Variants in DLG2 observed in about 807,000 individuals in gnomAD.
DLG2 encodes disks large homolog 2.
DLG2 carries 45 observed loss-of-function variants against 132.5 expected under a neutral mutation model. The ratio of observed to expected loss-of-function variants is 0.34; its 90% CI spans 0.27 to 0.44. DLG2 has a LOEUF of 0.44. Among genes scored for constraint, DLG2 ranks in the 20% least tolerant of loss-of-function variants. DLG2 has a pLI of 1.00. For missense variants in DLG2, 1,045 were observed against 1,196.9 expected (o/e 0.87, Z 1.87); for synonymous variants, 424 against 419.6 (o/e 1.01, Z -0.13).
intron 8 of DLG2, among the ~76,000 whole-genome samples, chr11:84,184,937 T>C (rs1272139174): frequency 6.6e-6 from 1 of 152,232 alleles, no homozygotes; most frequent in East Asian, 1.9e-4. Context: ...TATATCTCTG[T>C]TTTGGTACCA....
chr11:83,549,710 T>C (rs140141817), intron 19 of DLG2, among the ~76,000 whole-genome samples: 346 of 152,326 alleles, frequency 2.3e-3, no homozygotes, highest in African/African-American at 7.4e-3. Flanking sequence ...CACAATTTTC[T>C]ATTTGTATTA....
intron 6 of DLG2, among the ~76,000 whole-genome samples, chr11:84,960,844 G>A (rs2052452292): frequency 6.6e-6 from 1 of 151,784 alleles, no homozygotes; most frequent in South Asian, 2.1e-4. Context: ...AGTTAAATAG[G>A]ACAATGAAAA....
intron 6 of DLG2, among the ~76,000 whole-genome samples, chr11:84,906,625 T>C (rs933183467): frequency 5.9e-5 from 9 of 152,098 alleles, no homozygotes; most frequent in African/African-American, 2.2e-4. Flanking sequence ...AAAACTGATA[T>C]GGTTCCTACC....
At chr11:84,794,781 C>A (rs1332511348) in intron 6 of DLG2, among the ~76,000 whole-genome samples, 2 of 152,234 alleles carry the variant, frequency 1.3e-5, no homozygotes, top group Admixed American at 6.5e-5. Context: ...CTCAGGGCAG[C>A]ACTGACATGC....
intron 6 of DLG2, among the ~76,000 whole-genome samples, chr11:84,715,357 A>T (rs2061095498): frequency 6.6e-6 from 1 of 152,198 alleles, no homozygotes; most frequent in East Asian, 1.9e-4. Flanking sequence ...TATCTGTGTT[A>T]CACTCTGTGT....
At chr11:83,790,996 C>G in intron 17 of DLG2, 1 of 802,966 alleles carries the variant, frequency 1.2e-6, no homozygotes, top group South Asian at 1.6e-5. Flanking sequence ...TTCTGAGAAG[C>G]CGAGCTTTTC....
chr11:84,313,639 G>A (rs370829899), intron 7 of DLG2, among the ~76,000 whole-genome samples: 45 of 47,244 alleles, frequency 9.5e-4, no homozygotes, highest in African/African-American at 3.9e-3. Flanking sequence ...AGGAAAGAGA[G>A]AAAAAGAAAG....
chr11:85,617,546 T>C (rs1477140637), intron 2 of DLG2, among the ~76,000 whole-genome samples: 1 of 152,234 alleles, frequency 6.6e-6, no homozygotes, highest in Non-Finnish European at 1.5e-5. Context: ...CAAACATGCA[T>C]CTGGCACTAT....
intron 6 of DLG2, among the ~76,000 whole-genome samples, chr11:84,861,618 CA>C (rs1177657034): frequency 0.047 from 1,668 of 35,802 alleles, 12 homozygotes; most frequent in East Asian, 0.18. Flanking sequence ...TTCTACACAG[CA>C]AAAAAAAAAA....
intron 6 of DLG2, among the ~76,000 whole-genome samples, chr11:85,034,868 C>A (rs927408691): frequency 7.2e-5 from 11 of 152,004 alleles, no homozygotes; most frequent in African/African-American, 2.7e-4. Flanking sequence ...ATTCATTTTC[C>A]TGAGTTTCCT....
At chr11:83,484,632 G>A (rs1408379669) in intron 21 of DLG2, among the ~76,000 whole-genome samples, 5 of 152,202 alleles carry the variant, frequency 3.3e-5, no homozygotes, top group Middle Eastern at 3.4e-3. Flanking sequence ...CAGCTCTTAC[G>A]TTGTGAGACT....
intron 5 of DLG2, among the ~76,000 whole-genome samples, chr11:85,134,359 C>T (rs2075988555): frequency 6.7e-6 from 1 of 149,296 alleles, no homozygotes; most frequent in South Asian, 2.1e-4. Context: ...GAAACCCCGT[C>T]TCTACTAAAA....
chr11:84,502,286 CTTTCTTTCT>C, intron 7 of DLG2, among the ~76,000 whole-genome samples: 1 of 2,938 alleles, frequency 3.4e-4, no homozygotes, highest in Admixed American at 2.7e-3. Flanking sequence ...TTCCTTCTTT[CTTTCTTTCT>C]TTCTTTCTTT....
intron 8 of DLG2, among the ~76,000 whole-genome samples, chr11:84,179,850 C>A (rs2096070576): frequency 1.3e-5 from 2 of 152,104 alleles, no homozygotes; most frequent in Admixed American, 6.6e-5. Context: ...AACAGAGAAG[C>A]ACTGGTGAAA....
intron 7 of DLG2, among the ~76,000 whole-genome samples, chr11:84,268,097 T>C (rs532142874): frequency 6.6e-6 from 1 of 152,242 alleles, no homozygotes; most frequent in Non-Finnish European, 1.5e-5. Flanking sequence ...TCTCATTTCA[T>C]ACTGCTCTTT....
At chr11:83,580,319 A>G (rs1177028990) in intron 19 of DLG2, among the ~76,000 whole-genome samples, 1 of 151,258 alleles carries the variant, frequency 6.6e-6, no homozygotes, top group Non-Finnish European at 1.5e-5. Context: ...CATAAAAATC[A>G]TAATTTGCAA....
intron 18 of DLG2, among the ~76,000 whole-genome samples, chr11:83,724,458 C>CGTGTGTGTGTGTGTGTGTGTGT (rs150976898): frequency 8.2e-6 from 1 of 121,502 alleles, no homozygotes. Flanking sequence ...TCTCTCTCTC[C>CGTGTGTGTGTGTGTGTGTGTGT]GTGTGTGTGT....
At chr11:84,517,223 T>A (rs1317480096) in intron 7 of DLG2, among the ~76,000 whole-genome samples, 1 of 151,304 alleles carries the variant, frequency 6.6e-6, no homozygotes, top group Non-Finnish European at 1.5e-5. Flanking sequence ...CCTACATGAA[T>A]GAGAGAAAAT....
At chr11:85,312,664 TTTTAAAAA>T (rs1409833685) in intron 3 of DLG2, among the ~76,000 whole-genome samples, 16 of 151,872 alleles carry the variant, frequency 1.1e-4, no homozygotes, top group Non-Finnish European at 2.9e-5. Context: ...TCCATTTACC[TTTTAAAAA>T]TACTTTCACT....
Sources: allele counts gnomAD v4.1 joint callset (sites outside exome capture counted in the v4.1 genomes callset), GRCh38; gene constraint gnomAD v4.1.1; transcripts MANE v1.5; gene names NCBI Gene and HGNC (gene_info 2026-07-23, HGNC 2026-07-21).